Variants in SPATA7 observed in about 807,000 individuals in gnomAD.
SPATA7 encodes the protein spermatogenesis-associated protein 7.
In SPATA7, 43 loss-of-function variants were observed where a neutral mutation model predicts 51.8. The ratio of observed to expected loss-of-function variants is 0.83; its 90% CI spans 0.65 to 1.07. The LOEUF is 1.07. Among genes scored for constraint, SPATA7 ranks in the 50% least tolerant of loss-of-function variants. The pLI, the probability that SPATA7 is intolerant of heterozygous loss-of-function variation, is 0.00. For missense variants in SPATA7, 683 were observed against 701.3 expected (o/e 0.97, Z 0.30); for synonymous variants, 230 against 252.8 (o/e 0.91, Z 0.86).
At chr14:88,468,805 C>T in intron 4 of SPATA7, 1 of 1,362,878 alleles carries the variant, frequency 7.3e-7, no homozygotes, top group Non-Finnish European at 1.0e-6. Flanking sequence ...CATCTTGAGG[C>T]CACCACAGTC....
chr14:88,395,377 C>A (rs2075853389), intron 3 of SPATA7, among the ~76,000 whole-genome samples: 2 of 151,738 alleles, frequency 1.3e-5, no homozygotes, highest in Non-Finnish European at 2.9e-5. Context: ...ACTAAAAAAA[C>A]AAAAGAAAAA....
intron 4 of SPATA7, chr14:88,468,051 C>T (rs750440997): frequency 6.6e-7 from 1 of 1,507,706 alleles, no homozygotes; most frequent in Admixed American, 1.8e-5. Flanking sequence ...GATCAAGTGT[C>T]AACGGGAAAG....
At chr14:88,427,555 T>A (rs2076830455) in intron 6 of SPATA7, 75 bp from the exon 7 acceptor site, 1 of 952,960 alleles carries the variant, frequency 1.0e-6, no homozygotes, top group African/African-American at 1.6e-5. Context: ...GTTTATTTTT[T>A]CTAGCCAGTA....
Position 88,438,394 on chromosome 14 carries a change from G to A in SPATA7, c.1772G>A (p.Ser591Asn). 1.2e-6 allele frequency: 2 copies of A among 1,613,924 alleles called. No homozygotes were observed. Among genetic ancestry groups the A allele is most frequent in the Non-Finnish European group, 1.7e-6 (2 of 1,179,936 alleles). The change falls in exon 12 of 12, where the codon AGC becomes AAC. Residue 591 changes from serine (S) to asparagine (N), a missense_variant. Transcript: ENST00000393545. ...TCAACTCTTAAAATCATGGAAATGA[G>A]CATTGAGGACTGCCCTTTGGATGTT... ...ELSTLKIMEM[S>N]IEDCPLDV
At chr14:88,452,418 G>A (rs1274429483) in intron 3 of SPATA7, among the ~76,000 whole-genome samples, 1 of 152,208 alleles carries the variant, frequency 6.6e-6, no homozygotes, top group East Asian at 1.9e-4. Flanking sequence ...GCCAGGAGGT[G>A]GCGCTTTCAA....
At chr14:88,457,758 A>G (rs2077293653), downstream of SPATA7, among the ~76,000 whole-genome samples, 1 of 152,186 alleles carries the variant, frequency 6.6e-6, no homozygotes. Flanking sequence ...AACTTCCAAC[A>G]CTGTGTTGAA....
intron 3 of SPATA7, among the ~76,000 whole-genome samples, chr14:88,448,571 G>C (rs1257112329): frequency 6.6e-6 from 1 of 152,204 alleles, no homozygotes; most frequent in Admixed American, 6.5e-5. Context: ...CTGCTTTTTA[G>C]AGTTTCCAGT....
chr14:88,416,497 T>C, intron 4 of SPATA7: 1 of 380,522 alleles, frequency 2.6e-6, no homozygotes, highest in Non-Finnish European at 4.8e-6. Flanking sequence ...AGAATTTCTA[T>C]AAATTAAATG....
intron 4 of SPATA7, among the ~76,000 whole-genome samples, chr14:88,398,273 T>G (rs1391297779): frequency 6.6e-6 from 1 of 151,532 alleles, no homozygotes; most frequent in Non-Finnish European, 1.5e-5. Context: ...ATGTGGCACA[T>G]ATACACCATG....
chr14:88,452,580 G>C (rs1349828480), intron 3 of SPATA7, among the ~76,000 whole-genome samples: 1 of 152,066 alleles, frequency 6.6e-6, no homozygotes, highest in South Asian at 2.1e-4. Context: ...CAATTCTCTT[G>C]GCTTTCCTGG....
At chr14:88,414,606 C>A (rs1431393190) in intron 4 of SPATA7, 1 of 357,204 alleles carries the variant, frequency 2.8e-6, no homozygotes, top group Non-Finnish European at 5.4e-6. Context: ...GGGATTAGTT[C>A]TTGTTATTCT....
rs1595289710 is a variant in SPATA7 at position 88,433,040 on chromosome 14, G to A, written c.1083-95G>A. 12 of 891,922 alleles carry A rather than the reference G, an allele frequency of 1.3e-5. No homozygotes were observed. In the East Asian group the frequency reaches 3.0e-4, roughly 22 times the overall value. The allele number at this position is 891,922 out of a possible 1,614,324, so 55.3% of individuals were successfully genotyped here. A position where few individuals can be genotyped will look rare whatever the true frequency, so the allele number is the denominator to read the frequency against. The stretch of plus-strand genomic sequence containing the variant: ...AGATAGAAGTACATTGGTAATGGTA[G>A]AGATAGATATTTCTAATTAGGTACT... On this transcript the variant is annotated intron_variant, in intron 9 of 11. Coordinates refer to ENST00000393545, the MANE Select transcript of SPATA7 (RefSeq NM_018418.5).
intron 4 of SPATA7, among the ~76,000 whole-genome samples, chr14:88,463,389 GAA>G (rs1426034621): frequency 1.3e-5 from 2 of 151,494 alleles, no homozygotes; most frequent in East Asian, 1.9e-4. Flanking sequence ...CATACGTTCT[GAA>G]AAGTTTCCCA....
At chr14:88,468,038 G>A (rs532268528) in intron 4 of SPATA7, 173 of 1,441,594 alleles carry the variant, frequency 1.2e-4, no homozygotes, top group East Asian at 4.3e-4. Flanking sequence ...GCCACGCTGC[G>A]TGGATCAAGT....
intron 1 of SPATA7, chr14:88,386,113 C>T (rs1310955478): frequency 6.7e-6 from 8 of 1,202,088 alleles, no homozygotes; most frequent in Admixed American, 5.9e-5. Context: ...GCCTTTAAAA[C>T]CTCAGTAGCT....
At chr14:88,421,124 T>A (rs567385796) in intron 5 of SPATA7, among the ~76,000 whole-genome samples, 7 of 151,312 alleles carry the variant, frequency 4.6e-5, no homozygotes, top group South Asian at 4.2e-4. Flanking sequence ...AAAAAAAAAA[T>A]AATTAATTAA....
At chr14:88,394,913 T>C (rs1239957281) in intron 3 of SPATA7, among the ~76,000 whole-genome samples, 2 of 152,152 alleles carry the variant, frequency 1.3e-5, no homozygotes, top group African/African-American at 4.8e-5. Context: ...CTGTATATCT[T>C]CTTTGGTGAA....
In SPATA7 at chr14:88,469,579, C is replaced by A. The variant is rs2077423862; in HGVS notation, c.255-268C>A. On this transcript the variant is annotated intron_variant, in intron 4 of 4. Coordinates refer to the SPATA7 transcript ENST00000556406. This position sits in a 1 kb window ranked among gnomAD's most constrained non-coding sequence, Gnocchi z 4.3. ...GAGGTGCCAGACGGTCCTCTCTTGC[C>A]CAGTAAGGAGGTGCTTCATCTTCAG... 1 of 1,614,114 alleles carries A rather than the reference C, an allele frequency of 6.2e-7. No homozygotes were observed. The highest frequency in any genetic ancestry group is 1.3e-5 in the African/African-American group (1 of 74,998).
chr14:88,400,530 T>C (rs945238930), intron 4 of SPATA7, among the ~76,000 whole-genome samples: 2 of 152,066 alleles, frequency 1.3e-5, no homozygotes, highest in African/African-American at 4.8e-5. Flanking sequence ...ATTGAATCAG[T>C]AATCAAAAAC....
Sources: gnomAD v4.1 joint callset for allele counts (sites outside exome capture counted in the v4.1 genomes callset) on GRCh38, gnomAD v4.1.1 for gene constraint, Gnocchi (gnomAD v3.1) non-coding constraint, MANE v1.5 for transcripts, NCBI Gene and HGNC (gene_info 2026-07-23, HGNC 2026-07-21) for gene names.